Variants in PRKAB1 observed in about 807,000 individuals in gnomAD.
PRKAB1 encodes the protein protein kinase AMP-activated non-catalytic subunit beta 1.
In PRKAB1, 18 loss-of-function variants were observed where a neutral mutation model predicts 32.0. The observed-to-expected ratio is 0.56, with a 90% CI of 0.39 to 0.83. PRKAB1 has a LOEUF of 0.83. Among genes scored for constraint, PRKAB1 ranks in the 40% least tolerant of loss-of-function variants. PRKAB1 has a pLI of 0.00. For missense variants in PRKAB1, 263 were observed against 352.6 expected, an observed-to-expected ratio of 0.75 and a Z score of 2.03; for synonymous variants, 141 against 141.4, an observed-to-expected ratio of 1.00 and a Z score of 0.02.
At position 119,668,413 on chromosome 12, in the gene PRKAB1, G is replaced by A; in HGVS notation, c.159+10G>A. On this transcript the variant is annotated intron_variant, in intron 1 of 6. Transcript: ENST00000229328. ...CTCCGAGGAAATCAAGGTGCGAGCG[G>A]TGTGGAGGAACCCGATTCCCCTTGA... 6.2e-7 allele frequency: 1 copy of A among 1,611,812 alleles called. No individual in the cohort carries two copies. The highest frequency in any genetic ancestry group is 1.3e-5 in the African/African-American group (1 of 74,938).
chr12:119,672,401 G>A lies in PRKAB1; in HGVS notation c.260G>A (p.Gly87Asp), dbSNP rs1955394919. 2 of 1,611,118 alleles carry A rather than the reference G, an allele frequency of 1.2e-6. No homozygotes were observed. The highest frequency in any genetic ancestry group is 8.5e-7 in the Non-Finnish European group (1 of 1,178,648). ...ARPTVFRWTGGGKEVYLSGSF... is the reference protein window; with the variant it reads ...ARPTVFRWTGDGKEVYLSGSF... ...CCAACGGTGTTTCGATGGACGGGGGGCGGAAAGGAAGTTTACTTATCTGGG... is the reference window on the plus strand; with the variant it reads ...CCAACGGTGTTTCGATGGACGGGGGACGGAAAGGAAGTTTACTTATCTGGG... Residue 87 changes from glycine to aspartate, a missense_variant, in exon 2 of 7, where the codon GGC becomes GAC. Gly to Asp is a moderately conservative substitution (Grantham distance 94). Coordinates refer to ENST00000229328, the MANE Select transcript of PRKAB1 (RefSeq NM_006253.5).
intron 1 of PRKAB1, among the ~76,000 whole-genome samples, chr12:119,670,315 T>C (rs949155345): frequency 6.6e-6 from 1 of 152,236 alleles, no homozygotes; most frequent in Non-Finnish European, 1.5e-5. Flanking sequence ...TCCATTTAAT[T>C]GCTTGGCAGC....
Position 119,668,408 on chromosome 12 carries a change from G to T in PRKAB1, c.159+5G>T, listed in dbSNP as rs748009484. On this transcript the variant is annotated splice_donor_5th_base_variant and intron_variant, in intron 1 of 6. Coordinates refer to ENST00000229328, the MANE Select transcript of PRKAB1 (RefSeq NM_006253.5). ...TTCCACTCCGAGGAAATCAAGGTGC[G>T]AGCGGTGTGGAGGAACCCGATTCCC... 3 of 1,612,292 alleles carry T rather than the reference G, an allele frequency of 1.9e-6. No homozygotes were observed. The highest frequency in any genetic ancestry group is 3.3e-5 in the Admixed American group (2 of 59,784).
chr12:119,668,180 G>A lies in PRKAB1; in HGVS notation c.-65G>A. 2.1e-6 allele frequency: 3 copies of A among 1,455,152 alleles called. No individual in the cohort carries two copies. Among genetic ancestry groups the A allele is most frequent in the Non-Finnish European group, 2.7e-6 (3 of 1,107,626 alleles). The allele number at this position is 1,455,152 out of a possible 1,614,324, so 90.1% of individuals were successfully genotyped here. A position where few individuals can be genotyped will look rare whatever the true frequency, so the allele number is the denominator to read the frequency against. On this transcript the variant is annotated 5_prime_UTR_variant, in exon 1 of 7. Coordinates refer to ENST00000229328, the MANE Select transcript of PRKAB1 (RefSeq NM_006253.5). The stretch of plus-strand genomic sequence containing the variant: ...GGACCCGCGGTTCCGGGAGTCCCTT[G>A]CTCAGGGTCCCTTTCCTGCAGTGAG...
Position 119,674,046 on chromosome 12 carries a change from G to A in PRKAB1, c.406G>A (p.Asp136Asn), listed in dbSNP as rs373505242. 32 of 1,613,616 alleles carry A rather than the reference G, an allele frequency of 2.0e-5. No homozygotes were observed. The highest frequency in any genetic ancestry group is 4.0e-5 in the African/African-American group (3 of 74,912). Residue 136 changes from aspartate (D) to asparagine (N), a missense_variant, in exon 3 of 7, where the codon GAC becomes AAC. Asp to Asn is a conservative substitution (Grantham distance 23). Transcript: ENST00000229328. The surrounding 1 kb of genome is among the most constrained non-coding windows in gnomAD (Gnocchi z 4.3). The stretch of plus-strand genomic sequence containing the variant: ...CTTTGTGGATGGTCAGTGGACGCAC[G>A]ACCCTTCCGAGGTACTCTTCCTCCC... ...KFFVDGQWTH[D>N]PSEPIVTSQL...
intron 2 of PRKAB1, among the ~76,000 whole-genome samples, chr12:119,673,237 A>G (rs1001881694): frequency 3.9e-5 from 6 of 152,178 alleles, no homozygotes; most frequent in Non-Finnish European, 7.3e-5. Flanking sequence ...CTCCAAAAAG[A>G]AAAGAAAAAT....
Position 119,672,372 on chromosome 12 carries a change from T to C in PRKAB1, c.231T>C (p.Ala77=). The C allele has an allele frequency of 1.9e-6, 3 of 1,613,224 alleles. No individual in the cohort carries two copies. The highest frequency in any genetic ancestry group is 2.5e-6 in the Non-Finnish European group (3 of 1,179,638). ...TGAATGATAAAGCTCCCGCCCAGGC[T>C]CGGCCAACGGTGTTTCGATGGACGG... ...LEVNDKAPAQ[A]RPTVFRWTGG... is the part of the protein sequence containing the mutation. The change falls in exon 2 of 7, where the codon GCT becomes GCC. Residue 77 remains alanine (A), a synonymous_variant. Transcript: ENST00000229328.
chr12:119,672,093 A>G (rs545006145), intron 1 of PRKAB1, among the ~76,000 whole-genome samples: 30 of 152,356 alleles, frequency 2.0e-4, no homozygotes, highest in Non-Finnish European at 3.5e-4. Flanking sequence ...GACACTATAT[A>G]GAGCACTTAC....
At position 119,677,145 on chromosome 12, in the gene PRKAB1, C is replaced by G. The variant is rs278150; in HGVS notation, c.666+475C>G. On this transcript the variant is annotated intron_variant, in intron 5 of 6. Coordinates refer to ENST00000229328, the MANE Select transcript of PRKAB1 (RefSeq NM_006253.5). ...GTGTGTCCTCCTGGATCTTGAAGAA[C>G]AGCCAGTTCTGTTGTGATTCTGTTT... is the stretch of plus-strand genomic sequence containing the variant. 2.2e-3 allele frequency among the ~76,000 whole-genome samples: 331 copies of G among 152,336 alleles called. 1 individual carries two copies. The highest frequency in any genetic ancestry group is 7.7e-3 in the African/African-American group (318 of 41,566).
At position 119,674,482 on chromosome 12, in the gene PRKAB1, T is replaced by C. The variant is rs2136855216; in HGVS notation, c.532+28T>C. 1 of 1,504,080 alleles carries C rather than the reference T, an allele frequency of 6.6e-7. No homozygotes were observed. Among genetic ancestry groups the C allele is most frequent in the African/African-American group, 1.4e-5 (1 of 72,848 alleles). The allele number at this position is 1,504,080 out of a possible 1,614,324, so 93.2% of individuals were successfully genotyped here. On this transcript the variant is annotated intron_variant, in intron 4 of 6. Coordinates refer to ENST00000229328, the MANE Select transcript of PRKAB1 (RefSeq NM_006253.5). This position sits in a 1 kb window ranked among gnomAD's most constrained non-coding sequence, Gnocchi z 4.3. ...ATGAACACAGTTATTTTATACCACA[T>C]GCGTGCAGGTGGGGGCTGTACAGTC...
In PRKAB1 at chr12:119,679,570, C is replaced by T. The variant is rs1418799933; in HGVS notation, c.667-363C>T. On this transcript the variant is annotated intron_variant, in intron 5 of 6. Coordinates refer to ENST00000229328, the MANE Select transcript of PRKAB1 (RefSeq NM_006253.5). The surrounding 1 kb of genome is among the most constrained non-coding windows in gnomAD (Gnocchi z 4.1). ...AAGTTTTGAATCCATTGCTCAGGAG[C>T]GTTTAGTGCAGATGGTCTCTTCCTG... The T allele has an allele frequency of 6.9e-6, 2 of 287,870 alleles. No individual in the cohort carries two copies. The highest frequency in any genetic ancestry group is 1.4e-5 in the Non-Finnish European group (2 of 145,612). The allele number at this position is 287,870 out of a possible 1,614,324, so 17.8% of individuals were successfully genotyped here. A position where few individuals can be genotyped will look rare whatever the true frequency, so the allele number is the denominator to read the frequency against.
chr12:119,674,440 G>C lies in PRKAB1; in HGVS notation c.518G>C (p.Cys173Ser), dbSNP rs1177928762. The C allele has an allele frequency of 6.2e-7, 1 of 1,611,844 alleles. No homozygotes were observed. Among genetic ancestry groups the C allele is most frequent in the East Asian group, 2.2e-5 (1 of 44,880 alleles). The change falls in exon 4 of 7, where the codon TGC becomes TCC. Residue 173 changes from cysteine to serine, a missense_variant. Transcript: ENST00000229328. This position sits in a 1 kb window ranked among gnomAD's most constrained non-coding sequence, Gnocchi z 4.3. The part of the protein sequence containing the change: ...FDALMVDSQK[C>S]SDVSELSSSP... ...GCTTTAATGGTGGATTCCCAAAAGT[G>C]CTCCGATGTGTCTGGTATGAACACA...
intron 4 of PRKAB1, among the ~76,000 whole-genome samples, chr12:119,675,895 C>T (rs1955420783): frequency 1.3e-5 from 2 of 152,308 alleles, no homozygotes; most frequent in South Asian, 4.1e-4. Context: ...ACGTCACTAT[C>T]CAGTGTTCTA....
At position 119,672,399 on chromosome 12, in the gene PRKAB1, G is replaced by T. The variant is rs778666745; in HGVS notation, c.258G>T (p.Gly86=). 3 of 1,611,082 alleles carry T rather than the reference G, an allele frequency of 1.9e-6. No individual in the cohort carries two copies. Among genetic ancestry groups the T allele is most frequent in the Middle Eastern group, 1.7e-4 (1 of 6,030 alleles). Residue 86 remains glycine (G), a synonymous_variant, in exon 2 of 7, where the codon GGG becomes GGT. Transcript: ENST00000229328. The stretch of plus-strand genomic sequence containing the variant: ...GGCCAACGGTGTTTCGATGGACGGG[G>T]GGCGGAAAGGAAGTTTACTTATCTG... ...QARPTVFRWT[G]GGKEVYLSGS...
chr12:119,680,245 T>G lies in PRKAB1; in HGVS notation c.736-3T>G. Reference sequence around the variant, plus strand: ...CTTTGATCATTTCCACCTTGTTCCTTAGGATGGAGTGATGGTGCTCAGCGC... The same window carrying G: ...CTTTGATCATTTCCACCTTGTTCCTGAGGATGGAGTGATGGTGCTCAGCGC... On this transcript the variant is annotated splice_polypyrimidine_tract_variant and splice_region_variant and intron_variant, in intron 6 of 6. Coordinates refer to ENST00000229328, the MANE Select transcript of PRKAB1 (RefSeq NM_006253.5). The G allele has an allele frequency of 6.2e-7, 1 of 1,613,512 alleles. No homozygotes were observed. The highest frequency in any genetic ancestry group is 8.5e-7 in the Non-Finnish European group (1 of 1,179,516).
At chr12:119,668,466 T>C in intron 1 of PRKAB1, 63 bp downstream of exon 1, 1 of 1,569,628 alleles carries the variant, frequency 6.4e-7, no homozygotes, top group Non-Finnish European at 8.6e-7. Context: ...AACCCTCCAC[T>C]AGATTCCCGT....
At chr12:119,668,425 C>T (rs765956427) in intron 1 of PRKAB1, 22 bp downstream of exon 1, 5 of 1,610,302 alleles carry the variant, frequency 3.1e-6, no homozygotes, top group South Asian at 1.1e-5. Context: ...GTGGAGGAAC[C>T]CGATTCCCCT....
chr12:119,669,939 T>G (rs1159149423), intron 1 of PRKAB1: 2 of 152,216 alleles, frequency 1.3e-5, no homozygotes, highest in African/African-American at 4.8e-5. Context: ...CAGTGGGCGG[T>G]GAGGGTCTGT....
At chr12:119,673,882 T>TTC in intron 2 of PRKAB1, 82 bp from the exon 3 acceptor site, 1 of 1,169,354 alleles carries the variant, frequency 8.6e-7, no homozygotes, top group Non-Finnish European at 1.2e-6. Flanking sequence ...TGTGGAAACG[T>TTC]TTTGTTCTGT....
Sources: gnomAD v4.1 joint callset for allele counts (sites outside exome capture counted in the v4.1 genomes callset) on GRCh38, gnomAD v4.1.1 for gene constraint, Gnocchi (gnomAD v3.1) non-coding constraint, MANE v1.5 for transcripts, NCBI Gene and HGNC (gene_info 2026-07-23, HGNC 2026-07-21) for gene names.